ZNF131: variants seen among roughly 807,000 people sequenced by gnomAD.
The protein encoded by ZNF131 is zinc finger protein 131.
Under a neutral mutation model 60.0 loss-of-function variants are expected in ZNF131, and 7 were observed. The ratio of observed to expected loss-of-function variants is 0.12; its 90% CI spans 0.07 to 0.22. The LOEUF (loss-of-function observed/expected upper bound fraction) is 0.22. ZNF131 is among the 10% of genes least tolerant of loss of function. The pLI is 1.00. For synonymous variants in ZNF131, 257 were observed against 253.2 expected, an observed-to-expected ratio of 1.01 and a Z score of -0.14; for missense variants, 493 against 740.9, an observed-to-expected ratio of 0.67 and a Z score of 3.88.
chr5:43,122,227 C>T (rs545415564), intron 2 of ZNF131, 50 bp downstream of exon 2: 3 of 1,397,342 alleles, frequency 2.1e-6, no homozygotes, highest in Admixed American at 2.3e-5. Context: ...CAGTTTTTTT[C>T]TGTCCTTCGG....
At chr5:43,162,591 TAA>T (rs35784533) in intron 5 of ZNF131, among the ~76,000 whole-genome samples, 10 of 89,348 alleles carry the variant, frequency 1.1e-4, no homozygotes, top group Admixed American at 1.4e-4. Flanking sequence ...GACTCCATCT[TAA>T]AAAAAAAAAA....
chr5:43,127,522 C>T (rs112024755), intron 3 of ZNF131, among the ~76,000 whole-genome samples: 1 of 152,178 alleles, frequency 6.6e-6, no homozygotes, highest in Non-Finnish European at 1.5e-5. Context: ...TAGCATGATT[C>T]TAGTGTGCAG....
chr5:43,150,807 A>G (rs192720569), intron 4 of ZNF131, among the ~76,000 whole-genome samples: 1 of 152,164 alleles, frequency 6.6e-6, no homozygotes, highest in African/African-American at 2.4e-5. Flanking sequence ...AGGGACCAGG[A>G]CCTAATCCAT....
chr5:43,157,316 G>A (rs867485706), intron 4 of ZNF131, among the ~76,000 whole-genome samples: 2 of 152,140 alleles, frequency 1.3e-5, no homozygotes, highest in Non-Finnish European at 2.9e-5. Context: ...CATGTGAACC[G>A]TCCAAAGCTG....
chr5:43,150,654 C>T (rs1315827755), intron 4 of ZNF131, among the ~76,000 whole-genome samples: 6 of 152,190 alleles, frequency 3.9e-5, no homozygotes, highest in East Asian at 3.9e-4. Flanking sequence ...TAGCTGGGCA[C>T]GGTGACACAT....
At chr5:43,128,365 A>G (rs934475404) in intron 3 of ZNF131, among the ~76,000 whole-genome samples, 5 of 152,290 alleles carry the variant, frequency 3.3e-5, no homozygotes, top group African/African-American at 1.2e-4. Context: ...ATAAGTTAGA[A>G]GCACCTGGGA....
chr5:43,135,913 C>G (rs999236884), intron 3 of ZNF131, among the ~76,000 whole-genome samples: 7 of 152,064 alleles, frequency 4.6e-5, no homozygotes, highest in Non-Finnish European at 8.8e-5. Flanking sequence ...TTCAGGAGTT[C>G]AAGACCAGCT....
intron 3 of ZNF131, among the ~76,000 whole-genome samples, chr5:43,131,958 T>C (rs1213843549): frequency 1.3e-5 from 2 of 152,190 alleles, no homozygotes; most frequent in Non-Finnish European, 2.9e-5. Flanking sequence ...ATCTTTGTCA[T>C]AGACTTAGGA....
rs570313526 is a variant in ZNF131, at chr5:43,130,264, C to CAAAAAAAAAAAAA, written c.226+6960_226+6972dup. ...GAGCGATAGAGTAAGACTCTGTCTC[C>CAAAAAAAAAAAAA]AAAAAAAAAAAAAAAAAAGAGGAAA... is the stretch of plus-strand genomic sequence containing the variant. On this transcript the variant is annotated intron_variant, in intron 3 of 6. Transcript: ENST00000682664. 5.5e-3 allele frequency among the ~76,000 whole-genome samples: 378 copies of CAAAAAAAAAAAAA among 68,184 alleles called. 35 individuals carry two copies. Among genetic ancestry groups the CAAAAAAAAAAAAA allele is most frequent in the East Asian group, 0.017 (26 of 1,560 alleles). 44.7% of individuals were successfully genotyped at this position (68,184 alleles called of 152,430 possible).
In ZNF131 at chr5:43,161,596, C is replaced by G. The variant is rs747595077; in HGVS notation, c.719C>G (p.Thr240Arg). ...IKEDGCPSDP[T>R]SKQVEGIEIV... ...GAAGATGGCTGTCCATCTGACCCCA[C>G]GAGCAAACAGGTAGAAGGTATTGAA... Residue 240 changes from threonine (T) to arginine (R), a missense_variant, in exon 5 of 7, where the codon ACG (threonine) becomes AGG (arginine). Thr to Arg is a moderately conservative substitution (Grantham distance 71). This residue lies in a region of ZNF131 where 138 missense variants were observed against 158.7 expected (regional missense o/e 0.87). Coordinates refer to ENST00000682664, the MANE Select transcript of ZNF131 (RefSeq NM_001330707.2). 1 of 1,614,206 alleles carries G rather than the reference C, an allele frequency of 6.2e-7. No homozygotes were observed.
chr5:43,144,266 T>C (rs1177823735), intron 4 of ZNF131, among the ~76,000 whole-genome samples: 1 of 68,872 alleles, frequency 1.5e-5, no homozygotes, highest in East Asian at 4.5e-4. Context: ...TTTTTTTTTT[T>C]TGGAGACAGA....
chr5:43,173,174 G>C (rs3752832), intron 5 of ZNF131, 144 bp from the exon 6 acceptor site: 102,753 of 893,462 alleles, frequency 0.12, 6,396 homozygotes, highest in East Asian at 0.17. Flanking sequence ...GGAATATGGT[G>C]AAAATATTTG....
At chr5:43,159,471 A>G (rs1353047432) in intron 4 of ZNF131, among the ~76,000 whole-genome samples, 1 of 152,126 alleles carries the variant, frequency 6.6e-6, no homozygotes, top group East Asian at 1.9e-4. Flanking sequence ...AGGTGGGCAG[A>G]TCACCTGAGG....
chr5:43,159,081 A>T (rs1474934241), intron 4 of ZNF131, among the ~76,000 whole-genome samples: 1 of 152,172 alleles, frequency 6.6e-6, no homozygotes, highest in Non-Finnish European at 1.5e-5. Context: ...CAAGAGTGAC[A>T]TAGAGTGGCC....
At chr5:43,152,596 C>A (rs1402157452) in intron 4 of ZNF131, among the ~76,000 whole-genome samples, 1 of 152,036 alleles carries the variant, frequency 6.6e-6, no homozygotes, top group African/African-American at 2.4e-5. Flanking sequence ...TTCTGAAAGA[C>A]AAAGGTGGTT....
intron 5 of ZNF131, among the ~76,000 whole-genome samples, chr5:43,171,304 C>G (rs13163892): frequency 0.097 from 14,745 of 152,154 alleles, 839 homozygotes; most frequent in East Asian, 0.19. Flanking sequence ...AAAGCCAATT[C>G]TGGATCCCAT....
chr5:43,136,631 TTTTTTCTTTTTTC>T (rs1746141549), intron 3 of ZNF131, among the ~76,000 whole-genome samples: 1 of 146,904 alleles, frequency 6.8e-6, no homozygotes, highest in African/African-American at 2.5e-5. Context: ...ATTTTTTTCT[TTTTTTCTTTTTTC>T]TTTTTCTTTT....
rs77135916 is a variant in ZNF131 at position 43,154,430 on chromosome 5, A to G, written c.372-6819A>G. ...CTCCGTCTCCAAAAAAAAAAAAAGA[A>G]GTGTCAGAAATGTCGGCAATGGTGA... On this transcript the variant is annotated intron_variant, in intron 4 of 6. Transcript: ENST00000682664. Among the ~76,000 whole-genome samples, 1,544 of 151,988 alleles carry G rather than the reference A, an allele frequency of 0.01. 104 individuals are homozygous for G. In the East Asian group the frequency reaches 0.18, roughly 18 times the overall value.
chr5:43,132,191 A>G (rs144840560), intron 3 of ZNF131, among the ~76,000 whole-genome samples: 44 of 152,340 alleles, frequency 2.9e-4, no homozygotes, highest in African/African-American at 1.0e-3. Context: ...CTTCTGAAAG[A>G]CAGCAAAAGC....
Sources: gnomAD v4.1 joint callset for allele counts (sites outside exome capture counted in the v4.1 genomes callset) on GRCh38, gnomAD v4.1.1 for gene constraint, gnomAD v4.1.1 regional missense constraint, MANE v1.5 for transcripts, NCBI Gene and HGNC (gene_info 2026-07-23, HGNC 2026-07-21) for gene names.